Variants in BPIFB4 observed in about 807,000 individuals in gnomAD.
The protein encoded by BPIFB4 is BPI fold containing family B member 4.
In BPIFB4, 62 loss-of-function variants were observed where a neutral mutation model predicts 69.2. The ratio of observed to expected loss-of-function variants is 0.90; its 90% CI spans 0.73 to 1.11. BPIFB4 has a LOEUF of 1.11. Ranked by LOEUF, BPIFB4 falls within the 50% of genes least tolerant of loss-of-function variation. BPIFB4 has a pLI of 0.00. For synonymous variants in BPIFB4, 330 were observed against 332.7 expected (o/e 0.99, Z 0.09); for missense variants, 789 against 792.0 (o/e 1.00, Z 0.04).
intron 15 of BPIFB4, among the ~76,000 whole-genome samples, chr20:33,103,747 A>G (rs367615870): frequency 8.3e-4 from 127 of 152,256 alleles, no homozygotes; most frequent in African/African-American, 2.7e-3. Flanking sequence ...TGCTAATTTT[A>G]TAGCTTTTCT....
intron 13 of BPIFB4, among the ~76,000 whole-genome samples, chr20:33,098,784 C>T (rs1395070002): frequency 6.6e-6 from 1 of 151,380 alleles, no homozygotes; most frequent in African/African-American, 2.4e-5. Context: ...TTCTCCTCTG[C>T]ATTCCTTCAA....
At chr20:33,096,495 G>A (rs1435631290) in intron 12 of BPIFB4, among the ~76,000 whole-genome samples, 7 of 152,136 alleles carry the variant, frequency 4.6e-5, no homozygotes, top group East Asian at 1.9e-4. Context: ...GGCTGGTCTC[G>A]AACTCCTGAC....
In BPIFB4 at chr20:33,086,038, A is replaced by G; in HGVS notation, c.800A>G (p.Asp267Gly). 1 of 1,610,276 alleles carries G rather than the reference A, an allele frequency of 6.2e-7. No individual in the cohort carries two copies. The change falls in exon 7 of 18, where the codon GAC becomes GGC. Residue 267 changes from aspartate (D) to glycine (G), a missense_variant. Physicochemically the swap from Asp to Gly is moderately conservative, Grantham distance 94 (BLOSUM62 -1). This residue lies in a region of BPIFB4 where 611 missense variants were observed against 575.4 expected (regional missense o/e 1.06). Transcript: ENST00000375483. ...TCCTCCAGTCTTATTGGCTTCCTGGACATCGCAGTAGAAGTGAACATCACA... is the reference window on the plus strand; with the variant it reads ...TCCTCCAGTCTTATTGGCTTCCTGGGCATCGCAGTAGAAGTGAACATCACA... The part of the protein sequence containing the change: ...INGKSLIGFL[D>G]IAVEVNITAK...
At chr20:33,081,097 G>A (rs1207266204) in intron 2 of BPIFB4, among the ~76,000 whole-genome samples, 4 of 152,200 alleles carry the variant, frequency 2.6e-5, no homozygotes, top group African/African-American at 7.2e-5. Flanking sequence ...ATGAGTAGAT[G>A]AGTAGATGGG....
chr20:33,095,281 C>A, intron 12 of BPIFB4, 128 bp downstream of exon 12: 1 of 967,324 alleles, frequency 1.0e-6, no homozygotes, highest in Non-Finnish European at 1.6e-6. Context: ...CTTGGGAGTG[C>A]AGTGACAGTG....
At chr20:33,084,742 A>G (rs1379189741) in intron 5 of BPIFB4, 150 bp from the exon 6 acceptor site, 5 of 1,420,426 alleles carry the variant, frequency 3.5e-6, no homozygotes, top group Non-Finnish European at 4.6e-6. Context: ...TCTGTTTTCC[A>G]CATTCTGTCC....
rs1981396592 is a variant in BPIFB4, at chr20:33,085,448, T to A, written c.782+452T>A. 3.9e-5 allele frequency among the ~76,000 whole-genome samples: 6 copies of A among 152,222 alleles called. No individual in the cohort carries two copies. In the South Asian group the frequency reaches 1.2e-3, roughly 32 times the overall value. On this transcript the variant is annotated intron_variant, in intron 6 of 17. Transcript: ENST00000375483. ...CCAGCCTGGGCAACAAGAGCAAAAC[T>A]CCATCTCAAAATAAATACATAAATA...
At position 33,081,591 on chromosome 20, in the gene BPIFB4, C is replaced by G; in HGVS notation, c.65C>G (p.Thr22Arg). ...GCTGTGTGTGGCACCAGCCACGAGA[C>G]AAACACGGTCCTCAGGGTGACGAAA... ...VVAVCGTSHE[T>R]NTVLRVTKDV... The change falls in exon 3 of 18, where the codon ACA becomes AGA. Residue 22 changes from threonine to arginine, a missense_variant. Physicochemically the swap from Thr to Arg is moderately conservative, Grantham distance 71. Transcript: ENST00000375483. 1.3e-6 allele frequency: 2 copies of G among 1,551,750 alleles called. No homozygotes were observed. The highest frequency in any genetic ancestry group is 1.4e-5 in the African/African-American group (1 of 73,190).
At chr20:33,110,028 G>A (rs1982191367) in intron 17 of BPIFB4, among the ~76,000 whole-genome samples, 1 of 152,116 alleles carries the variant, frequency 6.6e-6, no homozygotes, top group Non-Finnish European at 1.5e-5. Flanking sequence ...CCTAATGTTA[G>A]CATCTTACAT....
chr20:33,092,698 A>T, intron 11 of BPIFB4, 40 bp downstream of exon 11: 4 of 1,546,582 alleles, frequency 2.6e-6, no homozygotes, highest in Non-Finnish European at 3.5e-6. Flanking sequence ...GCTGGGCAGC[A>T]GACAGCTGCC....
At chr20:33,108,542 T>TAG (rs915980515) in intron 17 of BPIFB4, among the ~76,000 whole-genome samples, 2 of 151,648 alleles carry the variant, frequency 1.3e-5, no homozygotes, top group African/African-American at 4.9e-5. Flanking sequence ...AGGGAATCAG[T>TAG]AGAGCATTGG....
chr20:33,092,053 G>A (rs1257195140), intron 10 of BPIFB4, among the ~76,000 whole-genome samples: 1 of 152,194 alleles, frequency 6.6e-6, no homozygotes, highest in Non-Finnish European at 1.5e-5. Flanking sequence ...TGGTGGCTGT[G>A]TAGCGGGAAG....
At chr20:33,089,738 G>T (rs930536359) in intron 9 of BPIFB4, among the ~76,000 whole-genome samples, 180 bp downstream of exon 9, 1 of 140,268 alleles carries the variant, frequency 7.1e-6, no homozygotes, top group East Asian at 2.4e-4. Context: ...CACCCCCCCC[G>T]AGTACCAGAG....
intron 1 of BPIFB4, among the ~76,000 whole-genome samples, chr20:33,080,133 G>A (rs1017161837): frequency 6.6e-6 from 1 of 152,326 alleles, no homozygotes; most frequent in African/African-American, 2.4e-5. Flanking sequence ...TTATATTCTA[G>A]TGTAAATGAA....
intron 17 of BPIFB4, 34 bp downstream of exon 17, chr20:33,107,854 TCCCTG>T: frequency 6.4e-7 from 1 of 1,574,598 alleles, no homozygotes; most frequent in South Asian, 1.1e-5. Flanking sequence ...CTGCTTTTCC[TCCCTG>T]CCCTTTGCTC....
chr20:33,109,102 T>C (rs1306203493), intron 17 of BPIFB4, among the ~76,000 whole-genome samples: 3 of 152,150 alleles, frequency 2.0e-5, no homozygotes, highest in African/African-American at 7.2e-5. Flanking sequence ...CCCAGTCTCT[T>C]GAGATCCTGT....
chr20:33,109,000 T>G (rs1454625010), intron 17 of BPIFB4, among the ~76,000 whole-genome samples: 1 of 151,926 alleles, frequency 6.6e-6, no homozygotes, highest in African/African-American at 2.4e-5. Flanking sequence ...CTTCCCACAT[T>G]AGGGAGTCAG....
chr20:33,106,360 C>T (rs1429183939), intron 16 of BPIFB4, among the ~76,000 whole-genome samples: 1 of 148,662 alleles, frequency 6.7e-6, no homozygotes, highest in Admixed American at 6.9e-5. Context: ...ATGCTGGGGA[C>T]ACAGCTCTTT....
intron 14 of BPIFB4, among the ~76,000 whole-genome samples, chr20:33,101,207 T>C (rs956018989): frequency 6.6e-6 from 1 of 152,176 alleles, no homozygotes; most frequent in African/African-American, 2.4e-5. Flanking sequence ...TCTCCCTTTG[T>C]AGGGAGAAAA....
Sources: allele counts gnomAD v4.1 joint callset (sites outside exome capture counted in the v4.1 genomes callset), GRCh38; gene constraint gnomAD v4.1.1; regional missense constraint gnomAD v4.1.1; transcripts MANE v1.5; gene names NCBI Gene and HGNC (gene_info 2026-07-23, HGNC 2026-07-21).